PXDNL: variants seen among roughly 807,000 people sequenced by gnomAD.
PXDNL encodes the protein probable oxidoreductase PXDNL.
In PXDNL, 145 loss-of-function variants were observed where a neutral mutation model predicts 150.8. The ratio of observed to expected loss-of-function variants is 0.96; its 90% CI spans 0.84 to 1.10. PXDNL has a LOEUF of 1.10. Ranked by LOEUF, PXDNL falls within the 50% of genes least tolerant of loss-of-function variation. The pLI is 0.00. For synonymous variants in PXDNL, 757 were observed against 725.7 expected (o/e 1.04, Z -0.69); for missense variants, 2,087 against 1,873.9 (o/e 1.11, Z -2.10).
At chr8:51,323,351 C>T (rs1805384739) in intron 21 of PXDNL, among the ~76,000 whole-genome samples, 1 of 152,192 alleles carries the variant, frequency 6.6e-6, no homozygotes, top group African/African-American at 2.4e-5. Context: ...ACCATCATGG[C>T]TCACTGTATC....
intron 19 of PXDNL, among the ~76,000 whole-genome samples, chr8:51,352,157 T>TA (rs962425251): frequency 1.3e-4 from 19 of 150,290 alleles, no homozygotes; most frequent in South Asian, 8.5e-4. Context: ...ATTCCCACCA[T>TA]AAAAAAAAAT....
At chr8:51,643,855 C>G (rs987453625) in intron 2 of PXDNL, among the ~76,000 whole-genome samples, 1 of 152,106 alleles carries the variant, frequency 6.6e-6, no homozygotes, top group African/African-American at 2.4e-5. Flanking sequence ...AAGAAAAAAA[C>G]AACCCCATCA....
chr8:51,718,139 G>C (rs756016430), intron 1 of PXDNL, among the ~76,000 whole-genome samples: 1 of 152,130 alleles, frequency 6.6e-6, no homozygotes, highest in African/African-American at 2.4e-5. Context: ...GAAGGAATAG[G>C]AGCATGGGCA....
chr8:51,480,336 G>A lies in PXDNL; in HGVS notation c.524+3307C>T, dbSNP rs78971172. Among the ~76,000 whole-genome samples the A allele has an allele frequency of 9.7e-3, 1,478 of 152,288 alleles. 16 individuals carry two copies. The highest frequency in any genetic ancestry group is 0.052 in the South Asian group (251 of 4,826). On this transcript the variant is annotated intron_variant, in intron 6 of 22. Transcript: ENST00000356297. Reference sequence around the variant, plus strand: ...GAAGCATAGTGCCAGCATTAGCTCTGGGGGAGGCCTCAGGAAGCTTTTACT... The same window carrying A: ...GAAGCATAGTGCCAGCATTAGCTCTAGGGGAGGCCTCAGGAAGCTTTTACT...
intron 1 of PXDNL, among the ~76,000 whole-genome samples, chr8:51,719,365 A>G (rs1297101305): frequency 1.3e-5 from 2 of 152,188 alleles, no homozygotes; most frequent in East Asian, 3.9e-4. Context: ...TCTCTAAAAC[A>G]TGTGCTGTGT....
At chr8:51,330,838 T>C (rs1805660241) in intron 21 of PXDNL, among the ~76,000 whole-genome samples, 1 of 152,182 alleles carries the variant, frequency 6.6e-6, no homozygotes, top group African/African-American at 2.4e-5. Flanking sequence ...AAATATCATC[T>C]AAACCAATTA....
rs112417833 is a variant in PXDNL at position 51,549,718 on chromosome 8, A to G, written c.380+7122T>C. Among the ~76,000 whole-genome samples the G allele has an allele frequency of 2.1e-3, 302 of 145,492 alleles. 1 individual carries two copies. Among genetic ancestry groups the G allele is most frequent in the African/African-American group, 7.6e-3 (287 of 37,820 alleles). ...GAAAGTTCATAGCATTAAATGCATAAATCAAAAAATCTAAAAGAGCACAAA... is the reference window on the plus strand; with the variant it reads ...GAAAGTTCATAGCATTAAATGCATAGATCAAAAAATCTAAAAGAGCACAAA... On this transcript the variant is annotated intron_variant, in intron 4 of 22. Transcript: ENST00000356297.
chr8:51,776,830 T>C (rs980871459), intron 1 of PXDNL, among the ~76,000 whole-genome samples: 3 of 152,124 alleles, frequency 2.0e-5, no homozygotes, highest in Non-Finnish European at 2.9e-5. Flanking sequence ...GGTCTTGACA[T>C]GTATCACAAT....
intron 1 of PXDNL, among the ~76,000 whole-genome samples, chr8:51,729,301 A>T (rs968148870): frequency 2.2e-5 from 3 of 135,310 alleles, no homozygotes; most frequent in African/African-American, 8.2e-5. Flanking sequence ...AATATACCTA[A>T]AAATAAAACT....
intron 1 of PXDNL, among the ~76,000 whole-genome samples, chr8:51,715,785 C>A (rs549100033): frequency 6.6e-6 from 1 of 152,250 alleles, no homozygotes; most frequent in Admixed American, 6.5e-5. Context: ...TAACCTAAGG[C>A]AGGAGTAACT....
chr8:51,355,220 A>T (rs535121128), intron 19 of PXDNL, among the ~76,000 whole-genome samples: 516 of 152,338 alleles, frequency 3.4e-3, no homozygotes, highest in Non-Finnish European at 5.8e-3. Context: ...CAGTGTCATG[A>T]AATACGATGG....
chr8:51,471,853 A>G (rs1563426618), intron 8 of PXDNL, among the ~76,000 whole-genome samples: 1 of 151,546 alleles, frequency 6.6e-6, no homozygotes, highest in Non-Finnish European at 1.5e-5. Flanking sequence ...CGCCCAGCTA[A>G]TTTTTTGTAT....
At chr8:51,338,590 T>G (rs1805900962) in intron 21 of PXDNL, among the ~76,000 whole-genome samples, 1 of 152,368 alleles carries the variant, frequency 6.6e-6, no homozygotes, top group African/African-American at 2.4e-5. Flanking sequence ...TTTTCTGCTT[T>G]CAAGGCTTTG....
intron 5 of PXDNL, among the ~76,000 whole-genome samples, chr8:51,496,686 A>G (rs558787720): frequency 5.3e-5 from 8 of 152,314 alleles, no homozygotes; most frequent in African/African-American, 1.9e-4. Flanking sequence ...TCCCATTCAC[A>G]ATTGCTTCAA....
chr8:51,480,170 G>A (rs1259103367), intron 6 of PXDNL, among the ~76,000 whole-genome samples: 1 of 152,106 alleles, frequency 6.6e-6, no homozygotes, highest in Non-Finnish European at 1.5e-5. Context: ...CTGTGTCTAG[G>A]AACACAATAT....
chr8:51,611,029 A>C (rs991630538), intron 2 of PXDNL, among the ~76,000 whole-genome samples: 2 of 152,226 alleles, frequency 1.3e-5, no homozygotes, highest in Non-Finnish European at 2.9e-5. Flanking sequence ...TGCCCATCAT[A>C]TGCAGAGGCC....
chr8:51,577,999 G>GAAAGAAAGAGGAAGGA (rs1409948869), intron 3 of PXDNL, among the ~76,000 whole-genome samples: 2 of 31,546 alleles, frequency 6.3e-5, no homozygotes, highest in Non-Finnish European at 1.2e-4. Flanking sequence ...AAGAAAGAAA[G>GAAAGAAAGAGGAAGGA]AGGAAGGAAG....
intron 8 of PXDNL, among the ~76,000 whole-genome samples, chr8:51,467,928 C>T (rs1042360362): frequency 6.6e-6 from 1 of 151,978 alleles, no homozygotes; most frequent in Non-Finnish European, 1.5e-5. Flanking sequence ...TTATTAAGTG[C>T]TGGTAATCAT....
chr8:51,772,306 A>T (rs1466663774), intron 1 of PXDNL, among the ~76,000 whole-genome samples: 1 of 148,422 alleles, frequency 6.7e-6, no homozygotes, highest in Admixed American at 6.7e-5. Context: ...TGCATGCCCC[A>T]CTCTCTCTTT....
Sources: allele counts gnomAD v4.1 joint callset (sites outside exome capture counted in the v4.1 genomes callset), GRCh38; gene constraint gnomAD v4.1.1; transcripts MANE v1.5; gene names NCBI Gene and HGNC (gene_info 2026-07-23, HGNC 2026-07-21).